Variants in FAM13C observed in about 807,000 individuals in gnomAD.
FAM13C encodes family with sequence similarity 13 member C, also known as protein FAM13C.
FAM13C carries 37 observed loss-of-function variants against 73.2 expected under a neutral mutation model. That is an observed-to-expected ratio of 0.51 (90% CI 0.39 to 0.67). FAM13C has a LOEUF of 0.67. Ranked by LOEUF, FAM13C falls within the 30% of genes least tolerant of loss-of-function variation. The pLI, the probability that FAM13C is intolerant of heterozygous loss-of-function variation, is 0.00. For synonymous variants in FAM13C, 246 were observed against 260.9 expected, an observed-to-expected ratio of 0.94 and a Z score of 0.55; for missense variants, 589 against 715.6, an observed-to-expected ratio of 0.82 and a Z score of 2.02.
chr10:59,337,540 T>C (rs113231662), intron 3 of FAM13C, among the ~76,000 whole-genome samples: 2,506 of 152,338 alleles, frequency 0.016, 29 homozygotes, highest in Middle Eastern at 0.054. Flanking sequence ...CAAGTTGTTA[T>C]TGACCCAGTT....
chr10:59,263,803 G>A (rs1681704106), intron 9 of FAM13C: 1 of 402,500 alleles, frequency 2.5e-6, no homozygotes, highest in Non-Finnish European at 4.7e-6. Flanking sequence ...CAATAACCTA[G>A]GGAGGTTAGT....
At chr10:59,256,346 T>C (rs545226349) in intron 10 of FAM13C, among the ~76,000 whole-genome samples, 1 of 152,350 alleles carries the variant, frequency 6.6e-6, no homozygotes, top group African/African-American at 2.4e-5. Flanking sequence ...AATTTGATTT[T>C]TGTGATTTGA....
chr10:59,312,388 T>G (rs370463103), intron 4 of FAM13C, among the ~76,000 whole-genome samples: 2 of 152,262 alleles, frequency 1.3e-5, no homozygotes, highest in East Asian at 3.9e-4. Context: ...TGAGTCTCTA[T>G]CCTTCACCTG....
At chr10:59,287,976 C>G (rs1845799001) in intron 5 of FAM13C, among the ~76,000 whole-genome samples, 1 of 152,190 alleles carries the variant, frequency 6.6e-6, no homozygotes, top group African/African-American at 2.4e-5. Context: ...AGTCCCCTTA[C>G]AACTTTAAAG....
chr10:59,286,765 G>A (rs1845618045), intron 5 of FAM13C, among the ~76,000 whole-genome samples: 1 of 151,568 alleles, frequency 6.6e-6, no homozygotes, highest in Non-Finnish European at 1.5e-5. Flanking sequence ...AGGGTGCAGT[G>A]GCTCATACCT....
intron 9 of FAM13C, among the ~76,000 whole-genome samples, chr10:59,263,273 G>T (rs1842701415): frequency 6.6e-6 from 1 of 152,166 alleles, no homozygotes; most frequent in South Asian, 2.1e-4. Context: ...GAGTATGCAA[G>T]GGTACTGGTT....
intron 5 of FAM13C, among the ~76,000 whole-genome samples, chr10:59,299,324 A>G (rs889333552): frequency 6.6e-6 from 1 of 151,468 alleles, no homozygotes; most frequent in African/African-American, 2.4e-5. Flanking sequence ...AAAACTTCCT[A>G]CAGAGTTAGA....
chr10:59,287,646 G>T (rs1440369725), intron 5 of FAM13C, among the ~76,000 whole-genome samples: 1 of 152,118 alleles, frequency 6.6e-6, no homozygotes, highest in South Asian at 2.1e-4. Flanking sequence ...GTTATTCTGG[G>T]CCTTAATGTC....
At chr10:59,306,217 T>A (rs1848230743) in intron 4 of FAM13C, among the ~76,000 whole-genome samples, 1 of 152,166 alleles carries the variant, frequency 6.6e-6, no homozygotes, top group African/African-American at 2.4e-5. Context: ...CAAACTTTCA[T>A]GGAAGGAAGC....
intron 10 of FAM13C, among the ~76,000 whole-genome samples, chr10:59,257,867 A>G (rs1301955561): frequency 6.6e-6 from 1 of 152,222 alleles, no homozygotes; most frequent in Non-Finnish European, 1.5e-5. Context: ...TAACATTACA[A>G]ATATGTAATA....
chr10:59,347,664 T>C (rs921874988), intron 3 of FAM13C, among the ~76,000 whole-genome samples: 3 of 152,094 alleles, frequency 2.0e-5, no homozygotes, highest in Non-Finnish European at 4.4e-5. Context: ...TCTCCTAATG[T>C]TATCCCTCCC....
intron 3 of FAM13C, among the ~76,000 whole-genome samples, chr10:59,337,667 C>CTTTTTTT (rs3078327): frequency 8.4e-5 from 6 of 71,026 alleles, no homozygotes; most frequent in African/African-American, 1.6e-4. Context: ...TTTTCTTTTT[C>CTTTTTTT]TTTTTTTTTT....
intron 10 of FAM13C, among the ~76,000 whole-genome samples, chr10:59,256,050 G>C (rs982631572): frequency 1.3e-5 from 2 of 152,090 alleles, no homozygotes; most frequent in Non-Finnish European, 1.5e-5. Context: ...CTCTGTAGAA[G>C]CCTGTTAAGT....
chr10:59,254,650 C>G (rs1903253), intron 10 of FAM13C, among the ~76,000 whole-genome samples: 2 of 151,430 alleles, frequency 1.3e-5, no homozygotes, highest in Admixed American at 1.3e-4. Flanking sequence ...GTCACCCAGG[C>G]GGAGTGCAAT....
chr10:59,354,418 G>A (rs1855449132), intron 2 of FAM13C, among the ~76,000 whole-genome samples: 1 of 152,136 alleles, frequency 6.6e-6, no homozygotes, highest in Non-Finnish European at 1.5e-5. Context: ...TGTAATTTAT[G>A]CCACTACTTA....
At chr10:59,255,131 C>G (rs1251028297) in intron 10 of FAM13C, among the ~76,000 whole-genome samples, 1 of 152,068 alleles carries the variant, frequency 6.6e-6, no homozygotes, top group Non-Finnish European at 1.5e-5. Context: ...TCACAAATAC[C>G]AACCTTATAC....
intron 10 of FAM13C, among the ~76,000 whole-genome samples, chr10:59,256,762 A>AC (rs1841982380): frequency 1.3e-5 from 2 of 152,130 alleles, no homozygotes; most frequent in Admixed American, 6.6e-5. Context: ...CATAAAGAAA[A>AC]CTGAATCAAG....
intron 5 of FAM13C, among the ~76,000 whole-genome samples, chr10:59,289,352 A>G (rs942864099): frequency 1.8e-4 from 27 of 152,128 alleles, no homozygotes; most frequent in African/African-American, 6.5e-4. Context: ...GATCTACACC[A>G]CTGCCACATA....
chr10:59,267,662 C>T (rs1843213692), intron 8 of FAM13C, among the ~76,000 whole-genome samples: 1 of 152,150 alleles, frequency 6.6e-6, no homozygotes, highest in South Asian at 2.1e-4. Flanking sequence ...GGAATATTAT[C>T]CATTCTCACC....
Sources: allele counts gnomAD v4.1 joint callset (sites outside exome capture counted in the v4.1 genomes callset), GRCh38; gene constraint gnomAD v4.1.1; transcripts MANE v1.5; gene names NCBI Gene and HGNC (gene_info 2026-07-23, HGNC 2026-07-21).